The following CIB2 variants were observed in gnomAD, a reference collection of about 807,000 sequenced individuals.
CIB2 encodes calcium and integrin-binding family member 2.
CIB2 carries 19 observed loss-of-function variants against 23.1 expected under a neutral mutation model. The ratio of observed to expected loss-of-function variants is 0.82; its 90% confidence interval spans 0.57 to 1.21. The LOEUF is 1.21. CIB2 is among the 50% of genes most tolerant of loss of function. The pLI, the probability that CIB2 is intolerant of heterozygous loss-of-function variation, is 0.00. For synonymous variants in CIB2, 94 were observed against 91.7 expected, an observed-to-expected ratio of 1.03 and a Z score of -0.14; for missense variants, 220 against 241.5, an observed-to-expected ratio of 0.91 and a Z score of 0.59.
At chr15:78,122,663 A>G (rs1006310189) in intron 2 of CIB2, among the ~76,000 whole-genome samples, 10 of 152,250 alleles carry the variant, frequency 6.6e-5, no homozygotes, top group Non-Finnish European at 1.5e-4. Flanking sequence ...AAGAAAACTG[A>G]GGCTCAGGGA....
At chr15:78,120,688 G>T in intron 2 of CIB2, 1 of 985,504 alleles carries the variant, frequency 1.0e-6, no homozygotes, top group Non-Finnish European at 1.2e-6. Flanking sequence ...CAGAGGGAAG[G>T]AGAATTGGAG....
chr15:78,115,435 T>C (rs1224344107), intron 2 of CIB2, among the ~76,000 whole-genome samples: 3 of 151,880 alleles, frequency 2.0e-5, no homozygotes, highest in African/African-American at 7.3e-5. Context: ...GATTTTTTTA[T>C]ATTTTTAGTA....
At chr15:78,123,971 G>C (rs1396352371) in intron 1 of CIB2, among the ~76,000 whole-genome samples, 1 of 152,202 alleles carries the variant, frequency 6.6e-6, no homozygotes, top group Non-Finnish European at 1.5e-5. Context: ...GGAGCTTAGT[G>C]CATGGTGGGG....
At position 78,131,127 on chromosome 15, in the gene CIB2, G is replaced by A. The variant is rs768347318; in HGVS notation, c.51+38C>T. 2 of 1,539,486 alleles carry A rather than the reference G, an allele frequency of 1.3e-6. No homozygotes were observed. The highest frequency in any genetic ancestry group is 8.8e-7 in the Non-Finnish European group (1 of 1,139,858). ...GAGAAAAGGGAGGGGCGGCGGGGCG[G>A]CGGGGCCTGTGTTGGGGGCCGGGCG... is the stretch of plus-strand genomic sequence containing the variant. On this transcript the variant is annotated intron_variant, in intron 1 of 5. Coordinates refer to ENST00000258930, the MANE Select transcript of CIB2 (RefSeq NM_006383.4). This position sits in a 1 kb window ranked among gnomAD's most constrained non-coding sequence, Gnocchi z 5.8.
intron 2 of CIB2, among the ~76,000 whole-genome samples, chr15:78,111,637 A>G (rs1037026583): frequency 6.6e-6 from 1 of 152,176 alleles, no homozygotes; most frequent in Non-Finnish European, 1.5e-5. Flanking sequence ...CACTTAACAC[A>G]TCACCTAATT....
chr15:78,108,201 CAAAAAA>C (rs5813898), intron 4 of CIB2, among the ~76,000 whole-genome samples: 1 of 105,494 alleles, frequency 9.5e-6, no homozygotes. Context: ...GACTCTGTCT[CAAAAAA>C]AAAAAAAAAA....
chr15:78,130,461 C>A (rs777322025), intron 1 of CIB2, among the ~76,000 whole-genome samples: 1 of 152,144 alleles, frequency 6.6e-6, no homozygotes, highest in Non-Finnish European at 1.5e-5. Flanking sequence ...CATCCTGCAA[C>A]CACAGCGAAG....
intron 1 of CIB2, among the ~76,000 whole-genome samples, chr15:78,130,163 C>T (rs116152879): frequency 6.6e-6 from 1 of 152,274 alleles, no homozygotes; most frequent in African/African-American, 2.4e-5. Context: ...ACACAGGCCA[C>T]AACACAATCC....
rs1046975787 is a variant in CIB2, at chr15:78,104,922, G to A, written c.*389C>T. 3 of 179,400 alleles carry A rather than the reference G, an allele frequency of 1.7e-5. No individual in the cohort carries two copies. Among genetic ancestry groups the A allele is most frequent in the African/African-American group, 4.8e-5 (2 of 41,944 alleles). 11.1% of individuals were successfully genotyped at this position (179,400 alleles called of 1,614,324 possible). On this transcript the variant is annotated 3_prime_UTR_variant, in exon 6 of 6. Transcript: ENST00000258930. The surrounding 1 kb of genome is among the most constrained non-coding windows in gnomAD (Gnocchi z 4.4). Reference sequence around the variant, plus strand: ...ACCCTGACCTCTTTTTTTTTTTTCCGCTCTGTCCTGGGTGACCAGGGTGTC... The same window carrying A: ...ACCCTGACCTCTTTTTTTTTTTTCCACTCTGTCCTGGGTGACCAGGGTGTC...
chr15:78,110,814 A>C, intron 3 of CIB2: 1 of 467,526 alleles, frequency 2.1e-6, no homozygotes, highest in Non-Finnish European at 4.3e-6. Context: ...TGCTGACCTC[A>C]GTGAGAAGCC....
At position 78,111,223 on chromosome 15, in the gene CIB2, C is replaced by G; in HGVS notation, c.140G>C (p.Arg47Thr). The G allele has an allele frequency of 6.2e-7, 1 of 1,614,180 alleles. No homozygotes were observed. Among genetic ancestry groups the G allele is most frequent in the Non-Finnish European group, 8.5e-7 (1 of 1,180,034 alleles). The change falls in exon 3 of 6, where the codon AGG (arginine) becomes ACG (threonine). Residue 47 changes from arginine to threonine, a missense_variant. By Grantham distance (71) the Arg-to-Thr change is moderately conservative. Transcript: ENST00000258930. ...LAPNLVPMDY[R>T]KSPIVHVPMS... ...GGGCACGTGGACGATGGGGCTCTTC[C>G]TGTAGTCCATTGGGACGAGGTTGGG... is the stretch of plus-strand genomic sequence containing the variant.
chr15:78,113,025 G>C (rs1383063138), intron 2 of CIB2, among the ~76,000 whole-genome samples: 1 of 152,194 alleles, frequency 6.6e-6, no homozygotes, highest in African/African-American at 2.4e-5. Flanking sequence ...CTGAGAGGTA[G>C]ATATTAGTCT....
intron 1 of CIB2, among the ~76,000 whole-genome samples, chr15:78,128,374 G>A (rs981549233): frequency 6.6e-6 from 1 of 152,180 alleles, no homozygotes; most frequent in Non-Finnish European, 1.5e-5. Context: ...AAAGGGAAAG[G>A]GAGTAAGAAA....
chr15:78,110,321 C>G (rs2074137518), intron 3 of CIB2, among the ~76,000 whole-genome samples: 1 of 152,248 alleles, frequency 6.6e-6, no homozygotes, highest in South Asian at 2.1e-4. Flanking sequence ...GAGTGTCTCA[C>G]CTGCTCCAGC....
rs777662280 is a variant in CIB2, at chr15:78,111,162, T to C, written c.198+3A>G. On this transcript the variant is annotated splice_donor_region_variant and intron_variant, in intron 3 of 5. Coordinates refer to ENST00000258930, the MANE Select transcript of CIB2 (RefSeq NM_006383.4). Reference sequence around the variant, plus strand: ...GCTCGCCAGCAAGAGGTCCTGCACATACCCGGAGCTCTGGCATCTGGATGA... The same window carrying C: ...GCTCGCCAGCAAGAGGTCCTGCACACACCCGGAGCTCTGGCATCTGGATGA... 3.2e-5 allele frequency: 51 copies of C among 1,613,182 alleles called. No individual in the cohort carries two copies. The highest frequency in any genetic ancestry group is 2.3e-5 in the Non-Finnish European group (27 of 1,179,284).
chr15:78,116,960 C>CA (rs145622847), intron 2 of CIB2, among the ~76,000 whole-genome samples: 20,902 of 135,558 alleles, frequency 0.15, 2,397 homozygotes, highest in African/African-American at 0.34. Flanking sequence ...TTAAAAGAAC[C>CA]AAAAAAAAAA....
At position 78,131,061 on chromosome 15, in the gene CIB2, A is replaced by G; in HGVS notation, c.51+104T>C. 1 of 1,006,374 alleles carries G rather than the reference A, an allele frequency of 9.9e-7. No individual in the cohort carries two copies. Among genetic ancestry groups the G allele is most frequent in the Non-Finnish European group, 1.4e-6 (1 of 711,834 alleles). 62.3% of individuals were successfully genotyped at this position (1,006,374 alleles called of 1,614,324 possible). A position where few individuals can be genotyped will look rare whatever the true frequency, so the allele number is the denominator to read the frequency against. ...AGCTGAAGGCAGAGGCAGGGTTTGA[A>G]CCTGGGAGAGCTGGCTCTCGGGAGG... is the stretch of plus-strand genomic sequence containing the variant. On this transcript the variant is annotated intron_variant, in intron 1 of 5. Transcript: ENST00000258930. This position sits in a 1 kb window ranked among gnomAD's most constrained non-coding sequence, Gnocchi z 5.8.
rs1021534182 is a variant in CIB2, at chr15:78,104,899, C to T, written c.*412G>A. ...AAAAGATTGCATAGCTCGTTAAAAC[C>T]CTGACCTCTTTTTTTTTTTTCCGCT... On this transcript the variant is annotated 3_prime_UTR_variant, in exon 6 of 6. Transcript: ENST00000258930. The surrounding 1 kb of genome is among the most constrained non-coding windows in gnomAD (Gnocchi z 4.4). 5.5e-6 allele frequency: 1 copy of T among 180,184 alleles called. No homozygotes were observed. Among genetic ancestry groups the T allele is most frequent in the African/African-American group, 2.3e-5 (1 of 42,682 alleles). The allele number at this position is 180,184 out of a possible 1,614,324, so 11.2% of individuals were successfully genotyped here. A position where few individuals can be genotyped will look rare whatever the true frequency, so the allele number is the denominator to read the frequency against.
At chr15:78,126,002 A>G (rs552335611) in intron 1 of CIB2, among the ~76,000 whole-genome samples, 3 of 152,194 alleles carry the variant, frequency 2.0e-5, no homozygotes, top group Non-Finnish European at 2.9e-5. Flanking sequence ...TCATTAGCCA[A>G]TGGGGGTGGG....
Sources: gnomAD v4.1 joint callset for allele counts (sites outside exome capture counted in the v4.1 genomes callset) on GRCh38, gnomAD v4.1.1 for gene constraint, Gnocchi (gnomAD v3.1) non-coding constraint, MANE v1.5 for transcripts, NCBI Gene and HGNC (gene_info 2026-07-23, HGNC 2026-07-21) for gene names.